DTX2: variants seen among roughly 807,000 people sequenced by gnomAD.
The protein encoded by DTX2 is probable E3 ubiquitin-protein ligase DTX2.
DTX2 carries 29 observed loss-of-function variants against 55.3 expected under a neutral mutation model. The ratio of observed to expected loss-of-function variants is 0.52; its 90% confidence interval spans 0.39 to 0.71. The LOEUF (loss-of-function observed/expected upper bound fraction) is 0.71, where lower values mean the gene tolerates loss of function less well. DTX2 is among the 30% of genes least tolerant of loss of function. The pLI, the probability that DTX2 is intolerant of heterozygous loss-of-function variation, is 0.00. For missense variants in DTX2, 537 were observed against 822.5 expected, an observed-to-expected ratio of 0.65 and a Z score of 4.25; for synonymous variants, 276 against 340.4, an observed-to-expected ratio of 0.81 and a Z score of 2.08.
In DTX2 at chr7:76,475,814, G is replaced by A. The variant is rs1365325479; in HGVS notation, c.-89-4607G>A. 2.8e-3 allele frequency among the ~76,000 whole-genome samples: 218 copies of A among 76,914 alleles called. 1 individual carries two copies. Among genetic ancestry groups the A allele is most frequent in the Non-Finnish European group, 4.0e-3 (156 of 39,394 alleles). 50.5% of individuals were successfully genotyped at this position (76,914 alleles called of 152,430 possible). A position where few individuals can be genotyped will look rare whatever the true frequency, so the allele number is the denominator to read the frequency against. On this transcript the variant is annotated intron_variant, in intron 2 of 10. Transcript: ENST00000430490. ...AGACAGGGTCTCTGTCTGTCACCCAGGCTGGAGTGCAGTGGTGCAATCATG... is the reference window on the plus strand; with the variant it reads ...AGACAGGGTCTCTGTCTGTCACCCAAGCTGGAGTGCAGTGGTGCAATCATG...
In DTX2 at chr7:76,505,649, T is replaced by C. The variant is rs1812266342; in HGVS notation, c.*48T>C. On this transcript the variant is annotated 3_prime_UTR_variant, in exon 11 of 11. Transcript: ENST00000430490. This position sits in a 1 kb window ranked among gnomAD's most constrained non-coding sequence, Gnocchi z 4.4. ...CTCTGGTGGCCACCCCGCTGCCCCA[T>C]GGCTGGCTGGGTGGCCAGGCAGGAA... 6.6e-6 allele frequency: 10 copies of C among 1,519,672 alleles called. No homozygotes were observed. The highest frequency in any genetic ancestry group is 8.8e-6 in the Non-Finnish European group (10 of 1,133,306). The allele number at this position is 1,519,672 out of a possible 1,614,324, so 94.1% of individuals were successfully genotyped here.
At chr7:76,480,798 C>T (rs754969071) in intron 3 of DTX2, 21 bp downstream of exon 3, 10 of 1,568,078 alleles carry the variant, frequency 6.4e-6, no homozygotes, top group Non-Finnish European at 8.6e-6. Flanking sequence ...GTCTGCCTCT[C>T]GCACATATCT....
In DTX2 at chr7:76,505,972, A is replaced by G. The variant is rs1298367472; in HGVS notation, c.*371A>G. 4 of 379,400 alleles carry G rather than the reference A, an allele frequency of 1.1e-5. No individual in the cohort carries two copies. Among genetic ancestry groups the G allele is most frequent in the South Asian group, 5.8e-5 (2 of 34,416 alleles). 23.5% of individuals were successfully genotyped at this position (379,400 alleles called of 1,614,324 possible). A position where few individuals can be genotyped will look rare whatever the true frequency, so the allele number is the denominator to read the frequency against. Reference sequence around the variant, plus strand: ...TTCTTTTACCTCAATTTTGTTTGCAATAAATGCTCTATAGCCAAAGCCAGC... The same window carrying G: ...TTCTTTTACCTCAATTTTGTTTGCAGTAAATGCTCTATAGCCAAAGCCAGC... On this transcript the variant is annotated 3_prime_UTR_variant, in exon 11 of 11. Coordinates refer to ENST00000430490, the MANE Select transcript of DTX2 (RefSeq NM_001102594.3). The surrounding 1 kb of genome is among the most constrained non-coding windows in gnomAD (Gnocchi z 4.4).
chr7:76,499,565 T>TG (rs1425219719), intron 6 of DTX2, among the ~76,000 whole-genome samples: 1 of 150,064 alleles, frequency 6.7e-6, no homozygotes, highest in Admixed American at 6.6e-5. Flanking sequence ...GACCTTGGGG[T>TG]GGAGCCCCTG....
At position 76,480,667 on chromosome 7, in the gene DTX2, G is replaced by A. The variant is rs1350605398; in HGVS notation, c.158G>A (p.Arg53His). 15 of 1,613,580 alleles carry A rather than the reference G, an allele frequency of 9.3e-6. No individual in the cohort carries two copies. The Admixed American group carries it at 1.2e-4, about 13-fold the overall frequency. ...EQQFVQQKGQ[R>H]FGLGSLAHSI... The stretch of plus-strand genomic sequence containing the variant: ...CAGTTTGTCCAGCAGAAGGGCCAAC[G>A]TTTTGGGCTTGGGAGCCTGGCCCAC... The change falls in exon 3 of 11, where the codon CGT becomes CAT. Residue 53 changes from arginine to histidine, a missense_variant. Arg to His is a conservative substitution (Grantham distance 29). Coordinates refer to ENST00000430490, the MANE Select transcript of DTX2 (RefSeq NM_001102594.3).
At chr7:76,474,353 C>A (rs578023908) in intron 2 of DTX2, among the ~76,000 whole-genome samples, 146 of 152,106 alleles carry the variant, frequency 9.6e-4, no homozygotes, top group Non-Finnish European at 1.7e-3. Context: ...CCACGCTTGG[C>A]CTGTTTTACA....
rs905489381 is a variant in DTX2, at chr7:76,489,958, GT to G, written c.909-2192del. Reference sequence around the variant, plus strand: ...CGGAAAAGTTAACAAAAGTAGTTGGGTTTCCATATCTCCCTCATCTGGCTTC... The same window carrying G: ...CGGAAAAGTTAACAAAAGTAGTTGGGTTCCATATCTCCCTCATCTGGCTTC... On this transcript the variant is annotated intron_variant, in intron 4 of 10. Coordinates refer to ENST00000430490, the MANE Select transcript of DTX2 (RefSeq NM_001102594.3). 3.2e-5 allele frequency among the ~76,000 whole-genome samples: 4 copies of G among 124,482 alleles called. 1 individual carries two copies. In the Admixed American group the frequency reaches 3.3e-4, roughly 10 times the overall value. 81.7% of individuals were successfully genotyped at this position (124,482 alleles called of 152,430 possible).
At chr7:76,499,610 C>T (rs1444558808) in intron 6 of DTX2, among the ~76,000 whole-genome samples, 1 of 147,396 alleles carries the variant, frequency 6.8e-6, no homozygotes, top group African/African-American at 2.5e-5. Context: ...CTGGGCTCCC[C>T]GTCCCTCTTT....
chr7:76,479,337 T>C (rs1364768842), intron 2 of DTX2, among the ~76,000 whole-genome samples: 1 of 98,486 alleles, frequency 1.0e-5, no homozygotes, highest in African/African-American at 4.2e-5. Flanking sequence ...GCAGAGAGCC[T>C]TGGAGAGGCC....
At position 76,505,606 on chromosome 7, in the gene DTX2, G is replaced by A. The variant is rs202208940; in HGVS notation, c.*5G>A. On this transcript the variant is annotated 3_prime_UTR_variant, in exon 11 of 11. Coordinates refer to ENST00000430490, the MANE Select transcript of DTX2 (RefSeq NM_001102594.3). The surrounding 1 kb of genome is among the most constrained non-coding windows in gnomAD (Gnocchi z 4.4). ...GACTGCCTGGAGCAGCAGTGACCTC[G>A]CACCCCAGCACGCCCGCCTCTGGTG... is the stretch of plus-strand genomic sequence containing the variant. 1.1e-3 allele frequency: 1,602 copies of A among 1,514,030 alleles called. 26 individuals carry two copies. In the Middle Eastern group the frequency reaches 0.014, roughly 13 times the overall value. The allele number at this position is 1,514,030 out of a possible 1,614,324, so 93.8% of individuals were successfully genotyped here.
At position 76,484,022 on chromosome 7, in the gene DTX2, A is replaced by G. The variant is rs369145620; in HGVS notation, c.908+875A>G. Among the ~76,000 whole-genome samples the G allele has an allele frequency of 3.3e-3, 472 of 141,646 alleles. 1 individual carries two copies. The highest frequency in any genetic ancestry group is 5.4e-3 in the African/African-American group (194 of 35,844). The allele number at this position is 141,646 out of a possible 152,430, so 92.9% of individuals were successfully genotyped here. A position where few individuals can be genotyped will look rare whatever the true frequency, so the allele number is the denominator to read the frequency against. ...CAGTGAGCTGTGATCGCACCACTGC[A>G]CTTCAGCCCCCTAGGTGACAGAGCG... On this transcript the variant is annotated intron_variant, in intron 4 of 10. Transcript: ENST00000430490.
At chr7:76,503,093 A>G in intron 8 of DTX2, 1 of 336,396 alleles carries the variant, frequency 3.0e-6, no homozygotes, top group Non-Finnish European at 5.5e-6. Context: ...CTGGGCAGCC[A>G]GGGCCCAGCT....
intron 4 of DTX2, among the ~76,000 whole-genome samples, chr7:76,483,654 C>T (rs964861610): frequency 2.0e-5 from 3 of 150,004 alleles, no homozygotes; most frequent in African/African-American, 4.9e-5. Flanking sequence ...ACCTGGCCCC[C>T]GTGATGATGC....
chr7:76,498,834 G>A (rs1375125251), intron 6 of DTX2, among the ~76,000 whole-genome samples: 1 of 131,582 alleles, frequency 7.6e-6, no homozygotes, highest in Non-Finnish European at 1.6e-5. Context: ...GTGTAGAGGT[G>A]AGGGTGTGTG....
At chr7:76,495,318 G>GGA (rs1810810656) in intron 5 of DTX2, among the ~76,000 whole-genome samples, 1 of 147,788 alleles carries the variant, frequency 6.8e-6, no homozygotes, top group Non-Finnish European at 1.5e-5. Flanking sequence ...GGTGTCAGAA[G>GGA]GAGGGGTGTC....
At chr7:76,482,414 A>G (rs1174925370) in intron 3 of DTX2, 94 bp from the exon 4 acceptor site, 5 of 1,270,780 alleles carry the variant, frequency 3.9e-6, no homozygotes, top group Non-Finnish European at 5.5e-6. Flanking sequence ...CTGTGTTCCT[A>G]TTTGTTTATT....
At chr7:76,483,943 G>A (rs908146387) in intron 4 of DTX2, among the ~76,000 whole-genome samples, 3 of 151,872 alleles carry the variant, frequency 2.0e-5, no homozygotes, top group Non-Finnish European at 4.4e-5. Flanking sequence ...TGTAATCCCA[G>A]CTACTTGGGA....
rs183146539 is a variant in DTX2 at position 76,490,197 on chromosome 7, G to C, written c.909-1956G>C. Among the ~76,000 whole-genome samples, 2 of 84,292 alleles carry C rather than the reference G, an allele frequency of 2.4e-5. 1 individual carries two copies. The highest frequency in any genetic ancestry group is 4.8e-5 in the Non-Finnish European group (2 of 41,432). 55.3% of individuals were successfully genotyped at this position (84,292 alleles called of 152,430 possible). On this transcript the variant is annotated intron_variant, in intron 4 of 10. Coordinates refer to ENST00000430490, the MANE Select transcript of DTX2 (RefSeq NM_001102594.3). ...ATAAATTAGCTGGGTGTGGTGGCACGCACCTGTAGTCCCAGCTACTCAGGA... is the reference window on the plus strand; with the variant it reads ...ATAAATTAGCTGGGTGTGGTGGCACCCACCTGTAGTCCCAGCTACTCAGGA...
intron 2 of DTX2, among the ~76,000 whole-genome samples, chr7:76,465,748 TTTTTGTA>T: frequency 6.7e-6 from 1 of 150,234 alleles, no homozygotes; most frequent in Middle Eastern, 3.4e-3. Flanking sequence ...GCCTGGCTAA[TTTTTGTA>T]TTTTTAGTAG....
Sources: allele counts gnomAD v4.1 joint callset (sites outside exome capture counted in the v4.1 genomes callset), GRCh38; gene constraint gnomAD v4.1.1; non-coding constraint Gnocchi (gnomAD v3.1); transcripts MANE v1.5; gene names NCBI Gene and HGNC (gene_info 2026-07-23, HGNC 2026-07-21).